Variants in ABCG1 observed in about 807,000 individuals in gnomAD.
ABCG1 encodes ATP-binding cassette sub-family G member 1.
A neutral mutation model predicts 69.2 loss-of-function variants in ABCG1; 29 were observed. The observed-to-expected ratio is 0.42, with a 90% CI of 0.31 to 0.57. The LOEUF is 0.57. Ranked by LOEUF, ABCG1 falls within the 20% of genes least tolerant of loss-of-function variation. The pLI is 0.15. For missense variants in ABCG1, 718 were observed against 898.1 expected, an observed-to-expected ratio of 0.80 and a Z score of 2.56; for synonymous variants, 370 against 374.8, an observed-to-expected ratio of 0.99 and a Z score of 0.15.
At position 42,245,577 on chromosome 21, in the gene ABCG1, G is replaced by A. The variant is rs2068119687; in HGVS notation, c.286+19663G>A. On this transcript the variant is annotated intron_variant, in intron 2 of 14. Transcript: ENST00000398449. ...CGGGGACAGGAAGAAGAAGGACAGA[G>A]GACACAGGAGAGACAGGACTGAGCT... is the stretch of plus-strand genomic sequence containing the variant. Among the ~76,000 whole-genome samples the A allele has an allele frequency of 2.6e-5, 4 of 152,200 alleles. No individual in the cohort carries two copies. The South Asian group carries it at 8.3e-4, about 32-fold the overall frequency.
chr21:42,265,238 C>T (rs901820232), intron 2 of ABCG1, among the ~76,000 whole-genome samples: 3 of 152,194 alleles, frequency 2.0e-5, no homozygotes, highest in Admixed American at 6.5e-5. Flanking sequence ...AGTGCAGCAG[C>T]CCCGGGTGAC....
upstream of ABCG1, among the ~76,000 whole-genome samples, chr21:42,218,403 T>C (rs2067666290): frequency 7.0e-6 from 1 of 143,564 alleles, no homozygotes. Context: ...GAGTGTGCCC[T>C]GGTGTTATTC....
upstream of ABCG1, among the ~76,000 whole-genome samples, chr21:42,215,732 GA>G (rs2123481298): frequency 6.6e-6 from 1 of 152,358 alleles, no homozygotes; most frequent in South Asian, 2.1e-4. Flanking sequence ...CTGGTCCAGA[GA>G]ACAAGGGTCT....
chr21:42,271,161 G>A lies in ABCG1; in HGVS notation c.378G>A (p.Thr126=), dbSNP rs150194543. The change falls in exon 3 of 15, where the codon ACG becomes ACA. Residue 126 remains threonine (T), a synonymous_variant. Transcript: ENST00000398449. ...GTCCTTCCGGGGCCGGGAAGTCCACGCTGATGAACATCCTGGCTGGATACA... is the reference window on the plus strand; with the variant it reads ...GTCCTTCCGGGGCCGGGAAGTCCACACTGATGAACATCCTGGCTGGATACA... ...IMGPSGAGKS[T]LMNILAGYRE... The A allele has an allele frequency of 6.2e-5, 98 of 1,575,494 alleles. No homozygotes were observed. Among genetic ancestry groups the A allele is most frequent in the Non-Finnish European group, 8.0e-5 (93 of 1,164,144 alleles).
chr21:42,217,531 C>T (rs2067654049), upstream of ABCG1, among the ~76,000 whole-genome samples: 1 of 152,102 alleles, frequency 6.6e-6, no homozygotes, highest in Admixed American at 6.5e-5. Context: ...CTTCCCAACA[C>T]ACTCAAGCTT....
At position 42,284,677 on chromosome 21, in the gene ABCG1, C is replaced by T. The variant is rs373041473; in HGVS notation, c.852C>T (p.Phe284=). The part of the protein sequence containing the change: ...HQPSAKLFEL[F]DQLYVLSQGQ... Reference sequence around the variant, plus strand: ...CCAGCGCCAAACTCTTCGAGCTGTTCGACCAGGTACGCGGGCCCCGGGCCC... The same window carrying T: ...CCAGCGCCAAACTCTTCGAGCTGTTTGACCAGGTACGCGGGCCCCGGGCCC... The change falls in exon 7 of 15, where the codon TTC becomes TTT. Residue 284 remains phenylalanine, a synonymous_variant. Transcript: ENST00000398449. 2.8e-5 allele frequency: 45 copies of T among 1,612,926 alleles called. No individual in the cohort carries two copies. In the African/African-American group the frequency reaches 4.5e-4, roughly 16 times the overall value.
At chr21:42,213,710 G>A (rs375794540), upstream of ABCG1, among the ~76,000 whole-genome samples, 9 of 152,386 alleles carry the variant, frequency 5.9e-5, no homozygotes, top group East Asian at 3.9e-4. Flanking sequence ...CAGAAGGTGG[G>A]ACCATGGAGT....
intron 2 of ABCG1, among the ~76,000 whole-genome samples, chr21:42,266,988 T>C (rs2068516715): frequency 6.6e-6 from 1 of 152,222 alleles, no homozygotes; most frequent in African/African-American, 2.4e-5. Context: ...TATGGCTTTT[T>C]TTGCCTTGAT....
chr21:42,255,396 G>T (rs768648562), intron 2 of ABCG1, among the ~76,000 whole-genome samples: 3 of 152,156 alleles, frequency 2.0e-5, no homozygotes, highest in Non-Finnish European at 4.4e-5. Context: ...GGGTAGACGT[G>T]TATGTGATGT....
chr21:42,269,331 A>C (rs138710820), intron 2 of ABCG1, among the ~76,000 whole-genome samples: 1 of 152,274 alleles, frequency 6.6e-6, no homozygotes, highest in South Asian at 2.1e-4. Flanking sequence ...GGAAGTGTCT[A>C]TGTGGTCCCC....
chr21:42,240,487 G>T (rs1264261676), intron 2 of ABCG1, among the ~76,000 whole-genome samples: 1 of 152,232 alleles, frequency 6.6e-6, no homozygotes, highest in African/African-American at 2.4e-5. Flanking sequence ...GTCTCGCTTT[G>T]TCACCCAGTC....
intron 13 of ABCG1, among the ~76,000 whole-genome samples, chr21:42,294,294 T>C (rs750985425): frequency 2.6e-5 from 4 of 152,106 alleles, no homozygotes; most frequent in Non-Finnish European, 5.9e-5. Context: ...ATCCACTGGG[T>C]CCCAGCTCAT....
rs189228614 is a variant in ABCG1, at chr21:42,242,395, G to C, written c.286+16481G>C. Among the ~76,000 whole-genome samples the C allele has an allele frequency of 2.3e-3, 344 of 152,330 alleles. 2 individuals are homozygous for C. The highest frequency in any genetic ancestry group is 8.0e-3 in the African/African-American group (331 of 41,572). On this transcript the variant is annotated intron_variant, in intron 2 of 14. Transcript: ENST00000398449. ...GTGCACCTGTAGTCCCAGCTACTGAGGAGGCTGAGCGGGGAGGGTTGCTTG... is the reference window on the plus strand; with the variant it reads ...GTGCACCTGTAGTCCCAGCTACTGACGAGGCTGAGCGGGGAGGGTTGCTTG...
At position 42,289,260 on chromosome 21, in the gene ABCG1, A is replaced by G. The variant is rs370724358; in HGVS notation, c.1225-790A>G. 9.9e-5 allele frequency among the ~76,000 whole-genome samples: 15 copies of G among 152,260 alleles called. 1 individual carries two copies. The highest frequency in any genetic ancestry group is 3.9e-4 in the East Asian group (2 of 5,188). On this transcript the variant is annotated intron_variant, in intron 10 of 14. Coordinates refer to ENST00000398449, the MANE Select transcript of ABCG1 (RefSeq NM_016818.3). ...GTGGGTTGTATCATGGCTCTGTCCC[A>G]TAAGTCTTCTCATCCCGGGACAGCT...
chr21:42,252,813 C>T (rs1434588650), intron 2 of ABCG1, among the ~76,000 whole-genome samples: 4 of 152,124 alleles, frequency 2.6e-5, no homozygotes, highest in Admixed American at 6.5e-5. Context: ...TGGATTTTAA[C>T]CCCCATTGGC....
intron 2 of ABCG1, among the ~76,000 whole-genome samples, chr21:42,208,955 G>A (rs1170995436): frequency 6.6e-6 from 1 of 152,218 alleles, no homozygotes; most frequent in Non-Finnish European, 1.5e-5. Flanking sequence ...CCCTCCTGGA[G>A]AGGAGGAATG....
intron 5 of ABCG1, among the ~76,000 whole-genome samples, chr21:42,279,181 G>C (rs1454238501): frequency 6.6e-6 from 1 of 152,036 alleles, no homozygotes; most frequent in Non-Finnish European, 1.5e-5. Flanking sequence ...GCTGAGGGGC[G>C]GCTGTGGGGG....
At chr21:42,293,682 A>G (rs2069141301) in intron 13 of ABCG1, among the ~76,000 whole-genome samples, 1 of 148,302 alleles carries the variant, frequency 6.7e-6, no homozygotes, top group Admixed American at 6.7e-5. Context: ...ACCACACTAC[A>G]CACTACACAC....
At chr21:42,210,436 C>T (rs999941306) in intron 2 of ABCG1, among the ~76,000 whole-genome samples, 23 of 152,242 alleles carry the variant, frequency 1.5e-4, no homozygotes, top group African/African-American at 3.4e-4. Flanking sequence ...AGTAATTTTC[C>T]GGTATCTGTC....
Sources: allele counts gnomAD v4.1 joint callset (sites outside exome capture counted in the v4.1 genomes callset), GRCh38; gene constraint gnomAD v4.1.1; transcripts MANE v1.5; gene names NCBI Gene and HGNC (gene_info 2026-07-23, HGNC 2026-07-21).